TMEM132C: variants seen among roughly 807,000 people sequenced by gnomAD.
TMEM132C encodes the protein protein phosphatase 1, regulatory subunit 152.
Under a neutral mutation model 61.4 loss-of-function variants are expected in TMEM132C, and 29 were observed. The ratio of observed to expected loss-of-function variants is 0.47; its 90% CI spans 0.35 to 0.64. The LOEUF (loss-of-function observed/expected upper bound fraction) is 0.64. Ranked by LOEUF, TMEM132C falls within the 30% of genes least tolerant of loss-of-function variation. The probability of loss-of-function intolerance (pLI) is 0.00; values close to 1 mark genes in which losing one functional copy is unlikely to be tolerated. For missense variants in TMEM132C, 1,408 were observed against 1,476.9 expected (o/e 0.95, Z 0.76); for synonymous variants, 656 against 633.1 (o/e 1.04, Z -0.54).
intron 1 of TMEM132C, among the ~76,000 whole-genome samples, chr12:128,360,333 G>T (rs116794290): frequency 2.0e-5 from 3 of 151,868 alleles, no homozygotes; most frequent in Admixed American, 1.3e-4. Flanking sequence ...TGATTGGAGC[G>T]ATTCTGTCCA....
chr12:128,703,734 C>A (rs902602246), intron 8 of TMEM132C, among the ~76,000 whole-genome samples: 2 of 152,344 alleles, frequency 1.3e-5, no homozygotes, highest in East Asian at 1.9e-4. Flanking sequence ...TGAACATATG[C>A]GTGCATGTGA....
At chr12:128,458,599 A>G (rs1048968652) in intron 2 of TMEM132C, among the ~76,000 whole-genome samples, 1 of 152,088 alleles carries the variant, frequency 6.6e-6, no homozygotes, top group African/African-American at 2.4e-5. Flanking sequence ...GAGAAATGGG[A>G]CAGGAAGGGC....
At chr12:128,340,935 TCTCTCTC>T (rs1872958685) in intron 1 of TMEM132C, among the ~76,000 whole-genome samples, 1 of 135,544 alleles carries the variant, frequency 7.4e-6, no homozygotes, top group East Asian at 2.1e-4. Context: ...TCTCTCTCTC[TCTCTCTC>T]TCTTTCTTTC....
chr12:128,414,547 A>G (rs1351889489), intron 1 of TMEM132C, among the ~76,000 whole-genome samples, 185 bp from the exon 2 acceptor site: 1 of 152,218 alleles, frequency 6.6e-6, no homozygotes, highest in Non-Finnish European at 1.5e-5. Context: ...AACTATATGC[A>G]TAATTCGTGG....
rs1247416636 is a variant in TMEM132C at position 128,707,461 on chromosome 12, T to C, written c.*1166T>C. ...TTTTCTTATGTTGTTGGGTGGGGTA[T>C]ACCAGCATAAACTCTAAAGATAAAA... On this transcript the variant is annotated 3_prime_UTR_variant, in exon 9 of 9. Coordinates refer to ENST00000435159, the MANE Select transcript of TMEM132C (RefSeq NM_001136103.3). 6.6e-6 allele frequency: 1 copy of C among 152,240 alleles called. No homozygotes were observed. The highest frequency in any genetic ancestry group is 1.5e-5 in the Non-Finnish European group (1 of 68,036). 9.4% of individuals were successfully genotyped at this position (152,240 alleles called of 1,614,324 possible). A position where few individuals can be genotyped will look rare whatever the true frequency, so the allele number is the denominator to read the frequency against.
At chr12:128,318,843 T>C (rs1872233383) in intron 1 of TMEM132C, among the ~76,000 whole-genome samples, 2 of 152,180 alleles carry the variant, frequency 1.3e-5, no homozygotes, top group African/African-American at 4.8e-5. Flanking sequence ...GAAAGAAACC[T>C]GAGTAGAAGT....
chr12:128,594,420 G>C (rs1593112917), intron 3 of TMEM132C, among the ~76,000 whole-genome samples: 1 of 122,132 alleles, frequency 8.2e-6, no homozygotes, highest in African/African-American at 3.1e-5. Flanking sequence ...TCTTTGTTTT[G>C]TGGCTGCTGT....
At chr12:128,699,929 G>C (rs1379488903) in intron 8 of TMEM132C, among the ~76,000 whole-genome samples, 1 of 152,188 alleles carries the variant, frequency 6.6e-6, no homozygotes. Flanking sequence ...GGGGGCAGAT[G>C]GGCCAGGAAA....
chr12:128,697,697 A>G (rs1954776240), intron 8 of TMEM132C, among the ~76,000 whole-genome samples: 1 of 152,160 alleles, frequency 6.6e-6, no homozygotes, highest in African/African-American at 2.4e-5. Flanking sequence ...CATAAATCAC[A>G]TCATGCCTTT....
In TMEM132C at chr12:128,550,956, C is replaced by T. The variant is rs1435181676; in HGVS notation, c.1121+6853C>T. Among the ~76,000 whole-genome samples, 4 of 152,164 alleles carry T rather than the reference C, an allele frequency of 2.6e-5. No individual in the cohort carries two copies. In the East Asian group the frequency reaches 5.8e-4, roughly 22 times the overall value. On this transcript the variant is annotated intron_variant, in intron 3 of 8. Transcript: ENST00000435159. ...CCCATCTCCCCCACTGCAGACAACTCTGAATTGTCATGGACACGGTTGGAC... is the reference window on the plus strand; with the variant it reads ...CCCATCTCCCCCACTGCAGACAACTTTGAATTGTCATGGACACGGTTGGAC...
At chr12:128,431,391 G>C (rs571392854) in intron 2 of TMEM132C, among the ~76,000 whole-genome samples, 2 of 152,292 alleles carry the variant, frequency 1.3e-5, no homozygotes, top group South Asian at 4.1e-4. Context: ...TAACATAAAA[G>C]TGCAAGGTGA....
chr12:128,466,051 C>A (rs1264862172), intron 2 of TMEM132C, among the ~76,000 whole-genome samples: 3 of 151,556 alleles, frequency 2.0e-5, no homozygotes, highest in African/African-American at 7.3e-5. Flanking sequence ...GCCAAAAAAA[C>A]CCATATAGAA....
chr12:128,638,627 G>C lies in TMEM132C; in HGVS notation c.1305+22292G>C, dbSNP rs527825786. ...TACCCTGGTCACACAGCTTGGAAAG[G>C]TGGTTACGGAATTTAAACCTATGTA... is the stretch of plus-strand genomic sequence containing the variant. On this transcript the variant is annotated intron_variant, in intron 4 of 8. Transcript: ENST00000435159. 2.0e-5 allele frequency among the ~76,000 whole-genome samples: 3 copies of C among 152,304 alleles called. 1 individual carries two copies. The highest frequency in any genetic ancestry group is 6.5e-5 in the Admixed American group (1 of 15,304).
intron 4 of TMEM132C, among the ~76,000 whole-genome samples, chr12:128,641,240 A>G (rs1954155678): frequency 6.6e-6 from 1 of 152,108 alleles, no homozygotes; most frequent in Admixed American, 6.5e-5. Context: ...CCACAGATCC[A>G]TGTCCAGCAT....
At chr12:128,587,533 G>A (rs182050477) in intron 3 of TMEM132C, among the ~76,000 whole-genome samples, 1 of 152,346 alleles carries the variant, frequency 6.6e-6, no homozygotes, top group East Asian at 1.9e-4. Flanking sequence ...GGGGGACAGT[G>A]AAGGCACAAA....
chr12:128,315,542 A>C (rs369123270), intron 1 of TMEM132C, among the ~76,000 whole-genome samples: 189 of 152,150 alleles, frequency 1.2e-3, no homozygotes, highest in Admixed American at 2.7e-3. Flanking sequence ...GAAAAAAAAA[A>C]CTTGCATTTT....
intron 3 of TMEM132C, among the ~76,000 whole-genome samples, chr12:128,607,375 GC>G (rs1876465746): frequency 6.6e-6 from 1 of 152,162 alleles, no homozygotes. Context: ...AGATGGGGAA[GC>G]CCTTGGAGGT....
intron 1 of TMEM132C, among the ~76,000 whole-genome samples, chr12:128,331,886 TG>T (rs983521072): frequency 6.6e-6 from 1 of 152,226 alleles, no homozygotes; most frequent in African/African-American, 2.4e-5. Flanking sequence ...ATAGAAGTTG[TG>T]GTTGAATCCA....
intron 1 of TMEM132C, among the ~76,000 whole-genome samples, chr12:128,294,682 C>T (rs1460854963): frequency 6.6e-6 from 1 of 152,110 alleles, no homozygotes; most frequent in South Asian, 2.1e-4. Context: ...GGTTCATAGA[C>T]AGGGCTTCTC....
Sources: gnomAD v4.1 joint callset for allele counts (sites outside exome capture counted in the v4.1 genomes callset) on GRCh38, gnomAD v4.1.1 for gene constraint, MANE v1.5 for transcripts, NCBI Gene and HGNC (gene_info 2026-07-23, HGNC 2026-07-21) for gene names.